Variants in ARPP21 observed in about 807,000 individuals in gnomAD.
ARPP21 encodes the protein cAMP-regulated phosphoprotein 21.
Under a neutral mutation model 113.2 loss-of-function variants are expected in ARPP21, and 69 were observed. The observed-to-expected ratio is 0.61, with a 90% CI of 0.50 to 0.74. ARPP21 has a LOEUF of 0.74. Among genes scored for constraint, ARPP21 ranks in the 30% least tolerant of loss-of-function variants. The pLI, the probability that ARPP21 is intolerant of heterozygous loss-of-function variation, is 0.00. For synonymous variants in ARPP21, 368 were observed against 375.5 expected (o/e 0.98, Z 0.23); for missense variants, 1,070 against 1,037.4 (o/e 1.03, Z -0.43).
rs147080497 is a variant in ARPP21, at chr3:35,707,061, T to C, written c.774T>C (p.Ser258=). 204 of 1,613,460 alleles carry C rather than the reference T, an allele frequency of 1.3e-4. No homozygotes were observed. The highest frequency in any genetic ancestry group is 1.7e-4 in the Non-Finnish European group (195 of 1,179,718). The part of the protein sequence containing the change: ...KRFILKRDNS[S]IDKEDNQQNR... ...TTATCTTGAAGCGAGATAACTCTAG[T>C]ATTGATAAAGAAGACAATCAGGTTG... The change falls in exon 10 of 21, where the codon AGT becomes AGC. Residue 258 remains serine, a synonymous_variant. Transcript: ENST00000684406.
intron 11 of ARPP21, among the ~76,000 whole-genome samples, chr3:35,709,855 C>T (rs2090481325): frequency 6.6e-6 from 1 of 152,170 alleles, no homozygotes; most frequent in African/African-American, 2.4e-5. Context: ...TTGTAAGACT[C>T]CGTGGCCAAC....
At chr3:35,643,552 A>G (rs1307421410) in intron 1 of ARPP21, 2 of 152,078 alleles carry the variant, frequency 1.3e-5, no homozygotes, top group African/African-American at 4.8e-5. Context: ...TTCAATGTCT[A>G]TTTTGTCTGT....
intron 1 of ARPP21, among the ~76,000 whole-genome samples, chr3:35,669,742 A>G (rs578102023): frequency 2.6e-4 from 40 of 152,284 alleles, no homozygotes; most frequent in African/African-American, 9.6e-4. Flanking sequence ...GTTTTCTTCT[A>G]TTGAAGTGTC....
At chr3:35,708,861 C>A in intron 10 of ARPP21, 108 bp from the exon 11 acceptor site, 1 of 725,808 alleles carries the variant, frequency 1.4e-6, no homozygotes, top group Admixed American at 2.3e-5. Context: ...ATTTTTCAGG[C>A]TCCATTTGTT....
chr3:35,660,495 T>A (rs1013386128), intron 1 of ARPP21, among the ~76,000 whole-genome samples: 3 of 152,176 alleles, frequency 2.0e-5, no homozygotes, highest in African/African-American at 7.2e-5. Context: ...ATCCTTGCTA[T>A]TGGCTATAGT....
intron 19 of ARPP21, among the ~76,000 whole-genome samples, chr3:35,781,293 A>G (rs1304795289): frequency 6.6e-6 from 1 of 152,170 alleles, no homozygotes; most frequent in Non-Finnish European, 1.5e-5. Context: ...TTGAAGGGAA[A>G]AGTTAACGAG....
intron 14 of ARPP21, among the ~76,000 whole-genome samples, chr3:35,726,561 T>C (rs2093554303): frequency 6.6e-6 from 1 of 152,260 alleles, no homozygotes; most frequent in Non-Finnish European, 1.5e-5. Flanking sequence ...TACATTGTCT[T>C]CTCATTTCTC....
intron 18 of ARPP21, among the ~76,000 whole-genome samples, chr3:35,740,279 T>A (rs2094578297): frequency 6.6e-6 from 1 of 152,174 alleles, no homozygotes; most frequent in South Asian, 2.1e-4. Flanking sequence ...AGATTAGAAG[T>A]GATTACTGTC....
At chr3:35,704,204 T>A (rs1381006843) in intron 9 of ARPP21, among the ~76,000 whole-genome samples, 2 of 151,876 alleles carry the variant, frequency 1.3e-5, no homozygotes, top group Non-Finnish European at 2.9e-5. Context: ...ACCTAAGGTG[T>A]TTGAAATGCA....
At chr3:35,786,019 G>A (rs369145712) in intron 19 of ARPP21, among the ~76,000 whole-genome samples, 19 of 152,200 alleles carry the variant, frequency 1.2e-4, no homozygotes, top group South Asian at 4.2e-4. Context: ...GAAAGAAGTC[G>A]TAATGAACTT....
At chr3:35,789,899 G>C (rs2096713198) in intron 19 of ARPP21, among the ~76,000 whole-genome samples, 1 of 152,160 alleles carries the variant, frequency 6.6e-6, no homozygotes, top group South Asian at 2.1e-4. Flanking sequence ...TTTAGAAGAT[G>C]GTGTGTTAAG....
chr3:35,794,087 T>TA lies in ARPP21; in HGVS notation c.*135dup. The stretch of plus-strand genomic sequence containing the variant: ...TCAAATGATTGCTGCTGGTATTCTG[T>TA]AAAAAATAAACAAAGACTAATATAC... On this transcript the variant is annotated 3_prime_UTR_variant, in exon 21 of 21. Transcript: ENST00000684406. 1.2e-6 allele frequency: 1 copy of TA among 840,022 alleles called. No homozygotes were observed. Among genetic ancestry groups the TA allele is most frequent in the Non-Finnish European group, 1.8e-6 (1 of 542,064 alleles). 52.0% of individuals were successfully genotyped at this position (840,022 alleles called of 1,614,324 possible). A position where few individuals can be genotyped will look rare whatever the true frequency, so the allele number is the denominator to read the frequency against.
At chr3:35,650,594 T>C (rs998606619) in intron 1 of ARPP21, 1 of 151,832 alleles carries the variant, frequency 6.6e-6, no homozygotes. Context: ...GGTAGAAAAA[T>C]ATTGTTTCCA....
chr3:35,641,316 A>C (rs1412647963), intron 1 of ARPP21: 1 of 152,246 alleles, frequency 6.6e-6, no homozygotes. Flanking sequence ...AATGCAGAAT[A>C]AATTCAAATG....
intron 19 of ARPP21, among the ~76,000 whole-genome samples, chr3:35,762,268 A>G (rs1346802936): frequency 6.6e-6 from 1 of 152,110 alleles, no homozygotes; most frequent in Non-Finnish European, 1.5e-5. Context: ...TGTGGTAAAA[A>G]TATTCTCCTT....
At chr3:35,762,841 A>G (rs1362273351) in intron 19 of ARPP21, among the ~76,000 whole-genome samples, 1 of 152,100 alleles carries the variant, frequency 6.6e-6, no homozygotes, top group East Asian at 1.9e-4. Flanking sequence ...AGACTCAGAC[A>G]CTAGAGCCAA....
At chr3:35,729,156 G>A (rs2093766826) in intron 14 of ARPP21, 147 bp from the exon 15 acceptor site, 3 of 591,632 alleles carry the variant, frequency 5.1e-6, no homozygotes, top group Non-Finnish European at 9.0e-6. Context: ...GCCAAAATAT[G>A]AGAGGGGCAT....
At chr3:35,676,686 G>T (rs2077573129) in intron 1 of ARPP21, among the ~76,000 whole-genome samples, 1 of 151,778 alleles carries the variant, frequency 6.6e-6, no homozygotes, top group Non-Finnish European at 1.5e-5. Flanking sequence ...TGATATTTTT[G>T]ATCACCTTGG....
chr3:35,688,022 G>A (rs1414431882), intron 6 of ARPP21, 139 bp downstream of exon 6: 3 of 725,734 alleles, frequency 4.1e-6, no homozygotes, highest in Non-Finnish European at 6.4e-6. Flanking sequence ...CTGTGTGTGT[G>A]TAAAAAATGT....
Sources: gnomAD v4.1 joint callset for allele counts (sites outside exome capture counted in the v4.1 genomes callset) on GRCh38, gnomAD v4.1.1 for gene constraint, MANE v1.5 for transcripts, NCBI Gene and HGNC (gene_info 2026-07-23, HGNC 2026-07-21) for gene names.